The following PTPDC1 variants were observed in gnomAD, a reference collection of about 807,000 sequenced individuals.
PTPDC1 encodes the protein protein tyrosine phosphatase domain containing 1.
A neutral mutation model predicts 75.3 loss-of-function variants in PTPDC1; 53 were observed. The ratio of observed to expected loss-of-function variants is 0.70; its 90% confidence interval spans 0.56 to 0.88. PTPDC1 has a LOEUF of 0.88. Among genes scored for constraint, PTPDC1 ranks in the 40% least tolerant of loss-of-function variants. PTPDC1 has a pLI of 0.00. For missense variants in PTPDC1, 925 were observed against 998.6 expected, an observed-to-expected ratio of 0.93 and a Z score of 0.99; for synonymous variants, 349 against 366.2, an observed-to-expected ratio of 0.95 and a Z score of 0.54.
At chr9:94,049,137 T>A (rs967061209) in intron 1 of PTPDC1, among the ~76,000 whole-genome samples, 42 of 152,182 alleles carry the variant, frequency 2.8e-4, no homozygotes, top group Non-Finnish European at 8.8e-5. Flanking sequence ...CAGCACCCTG[T>A]TGGGTCTTGA....
At chr9:94,084,969 T>C (rs1587885973) in intron 1 of PTPDC1, among the ~76,000 whole-genome samples, 195 bp downstream of exon 1, 1 of 152,252 alleles carries the variant, frequency 6.6e-6, no homozygotes, top group African/African-American at 2.4e-5. Flanking sequence ...TTATTAAAAA[T>C]ATAGGTTTGA....
chr9:94,098,058 C>A lies in PTPDC1; in HGVS notation c.1492C>A (p.His498Asn), dbSNP rs1325795382. Residue 498 changes from histidine to asparagine, a missense_variant, in exon 6 of 9, where the codon CAC (histidine) becomes AAC (asparagine). Transcript: ENST00000620992. Reference protein sequence around the residue: ...YIPQSPEPDLHKEALVRSTLS... With the variant: ...YIPQSPEPDLNKEALVRSTLS... Reference sequence around the variant, plus strand: ...CCCACAGTCTCCAGAACCAGACTTACACAAGGAAGCCTTGGTTCGCAGCAC... The same window carrying A: ...CCCACAGTCTCCAGAACCAGACTTAAACAAGGAAGCCTTGGTTCGCAGCAC... 1.9e-6 allele frequency: 3 copies of A among 1,614,206 alleles called. No individual in the cohort carries two copies. Among genetic ancestry groups the A allele is most frequent in the Non-Finnish European group, 2.5e-6 (3 of 1,180,042 alleles).
chr9:94,095,249 TTC>T, intron 4 of PTPDC1, 66 bp from the exon 5 acceptor site: 1 of 1,046,406 alleles, frequency 9.6e-7, no homozygotes, highest in South Asian at 2.5e-5. Flanking sequence ...CTGTGTACTT[TTC>T]ATTAGTGTTT....
At chr9:94,067,699 T>A (rs1251647439) in intron 2 of PTPDC1, among the ~76,000 whole-genome samples, 1 of 152,128 alleles carries the variant, frequency 6.6e-6, no homozygotes, top group Non-Finnish European at 1.5e-5. Context: ...CCTCCCAAGT[T>A]CAAGCGATTC....
chr9:94,048,202 C>A (rs1825676728), intron 1 of PTPDC1, among the ~76,000 whole-genome samples: 1 of 152,162 alleles, frequency 6.6e-6, no homozygotes, highest in African/African-American at 2.4e-5. Flanking sequence ...GTCTCTATTT[C>A]CTTCAGTTCT....
rs1347275367 is a variant in PTPDC1 at position 94,098,503 on chromosome 9, T to C, written c.1937T>C (p.Leu646Pro). The C allele has an allele frequency of 6.2e-7, 1 of 1,613,962 alleles. No homozygotes were observed. ...SELSAEARRI[L>P]AAKALANLNE... ...TTGAGTGCTGAGGCAAGAAGAATACTGGCGGCCAAAGCCCTAGCAAATTTA... is the reference window on the plus strand; with the variant it reads ...TTGAGTGCTGAGGCAAGAAGAATACCGGCGGCCAAAGCCCTAGCAAATTTA... Residue 646 changes from leucine to proline, a missense_variant, in exon 6 of 9, where the codon CTG becomes CCG. Physicochemically the swap from Leu to Pro is moderately conservative, Grantham distance 98. Coordinates refer to ENST00000620992, the MANE Select transcript of PTPDC1 (RefSeq NM_001253829.2).
At chr9:94,045,342 C>T (rs1345878688) in intron 1 of PTPDC1, among the ~76,000 whole-genome samples, 1 of 152,050 alleles carries the variant, frequency 6.6e-6, no homozygotes, top group Non-Finnish European at 1.5e-5. Flanking sequence ...GATTTATAAT[C>T]CTTTGGATAT....
intron 1 of PTPDC1, 98 bp from the exon 2 acceptor site, chr9:94,085,153 G>C: frequency 3.7e-6 from 4 of 1,082,062 alleles, no homozygotes; most frequent in Non-Finnish European, 4.0e-6. Context: ...GCACTGGCTT[G>C]TCATCTACCA....
intron 2 of PTPDC1, among the ~76,000 whole-genome samples, chr9:94,074,511 C>T (rs1826617270): frequency 6.6e-6 from 1 of 152,094 alleles, no homozygotes; most frequent in Admixed American, 6.5e-5. Flanking sequence ...CCCGGCTGGG[C>T]CCTGTGGTCC....
chr9:94,097,775 C>T lies in PTPDC1; in HGVS notation c.1209C>T (p.Pro403=), dbSNP rs1272306414. The T allele has an allele frequency of 6.2e-7, 1 of 1,614,172 alleles. No individual in the cohort carries two copies. The highest frequency in any genetic ancestry group is 8.5e-7 in the Non-Finnish European group (1 of 1,180,038). Reference sequence around the variant, plus strand: ...GTGATGTGTCCAACCCGCCTAACCCCACTGCAGTGGCAGCAGATTTTGACA... The same window carrying T: ...GTGATGTGTCCAACCCGCCTAACCCTACTGCAGTGGCAGCAGATTTTGACA... ...HDSDVSNPPN[P]TAVAADFDNR... is the part of the protein sequence containing the mutation. Residue 403 remains proline (P), a synonymous_variant, in exon 6 of 9, where the codon CCC becomes CCT. Transcript: ENST00000620992.
Position 94,097,410 on chromosome 9 carries a change from A to G in PTPDC1, c.844A>G (p.Ile282Val), listed in dbSNP as rs143093313. Reference protein sequence around the residue: ...IFVRAKRPNSIQTRGQLLCVR... With the variant: ...IFVRAKRPNSVQTRGQLLCVR... ...TGTGCGGGCAAAGCGACCCAATTCC[A>G]TACAAACCAGAGGACAGCTCCTCTG... Residue 282 changes from isoleucine to valine, a missense_variant, in exon 6 of 9, where the codon ATA becomes GTA. Physicochemically the swap from Ile to Val is conservative, Grantham distance 29 (BLOSUM62 3). Coordinates refer to ENST00000620992, the MANE Select transcript of PTPDC1 (RefSeq NM_001253829.2). 13 of 1,614,048 alleles carry G rather than the reference A, an allele frequency of 8.1e-6. No individual in the cohort carries two copies. The Admixed American group carries it at 1.2e-4, about 14-fold the overall frequency.
At chr9:94,103,027 C>T (rs78954280) in intron 7 of PTPDC1, among the ~76,000 whole-genome samples, 1 of 151,492 alleles carries the variant, frequency 6.6e-6, no homozygotes, top group African/African-American at 2.4e-5. Flanking sequence ...CACACGGACA[C>T]ATGGACGGAT....
At chr9:94,092,571 G>A (rs1322859947) in intron 4 of PTPDC1, among the ~76,000 whole-genome samples, 1 of 151,956 alleles carries the variant, frequency 6.6e-6, no homozygotes, top group African/African-American at 2.4e-5. Context: ...TTGATATGGG[G>A]TGGAGAGTTC....
intron 1 of PTPDC1, among the ~76,000 whole-genome samples, chr9:94,052,082 C>T (rs1229110680): frequency 6.6e-6 from 1 of 152,082 alleles, no homozygotes; most frequent in African/African-American, 2.4e-5. Flanking sequence ...GTAAAATACA[C>T]ATAACAAAAT....
rs190556973 is a variant in PTPDC1 at position 94,072,068 on chromosome 9, C to T, written c.82+7247C>T. Among the ~76,000 whole-genome samples the T allele has an allele frequency of 8.5e-4, 130 of 152,264 alleles. No individual in the cohort carries two copies. The Middle Eastern group carries it at 0.01, about 12-fold the overall frequency. On this transcript the variant is annotated intron_variant, in intron 2 of 9. Transcript: ENST00000375360. ...GTTGCCCAGGATGGGAGTGCAGTGG[C>T]ATGAACTCAGCTCACTGTAACCTCC...
chr9:94,048,965 T>C (rs1461790655), intron 1 of PTPDC1, among the ~76,000 whole-genome samples: 1 of 152,192 alleles, frequency 6.6e-6, no homozygotes, highest in Non-Finnish European at 1.5e-5. Flanking sequence ...TGTAATGGCC[T>C]TCTTTGTTTC....
chr9:94,059,669 C>G (rs1198229777), intron 1 of PTPDC1, among the ~76,000 whole-genome samples: 1 of 152,052 alleles, frequency 6.6e-6, no homozygotes, highest in Non-Finnish European at 1.5e-5. Context: ...TGATTATTAC[C>G]CCCAGCCCCA....
chr9:94,036,052 G>A (rs530505022), intron 1 of PTPDC1, among the ~76,000 whole-genome samples: 1 of 126,708 alleles, frequency 7.9e-6, no homozygotes, highest in South Asian at 2.4e-4. Flanking sequence ...TTTTGCTACT[G>A]AGTTGTATGA....
In PTPDC1 at chr9:94,098,238, G is replaced by A. The variant is rs750225630; in HGVS notation, c.1672G>A (p.Val558Ile). 6.2e-7 allele frequency: 1 copy of A among 1,614,202 alleles called. No individual in the cohort carries two copies. The highest frequency in any genetic ancestry group is 8.5e-7 in the Non-Finnish European group (1 of 1,180,050). The stretch of plus-strand genomic sequence containing the variant: ...AGGCTCACACAGCCCTGGGGAGCCA[G>A]TTTCACCCAGCTTTGCAAATGTCCA... ...VSGSHSPGEP[V>I]SPSFANVHKD... is the part of the protein sequence containing the mutation. The change falls in exon 6 of 9, where the codon GTT becomes ATT. Residue 558 changes from valine (V) to isoleucine (I), a missense_variant. By Grantham distance (29) the Val-to-Ile change is conservative. Coordinates refer to ENST00000620992, the MANE Select transcript of PTPDC1 (RefSeq NM_001253829.2).
Sources: gnomAD v4.1 joint callset for allele counts (sites outside exome capture counted in the v4.1 genomes callset) on GRCh38, gnomAD v4.1.1 for gene constraint, MANE v1.5 for transcripts, NCBI Gene and HGNC (gene_info 2026-07-23, HGNC 2026-07-21) for gene names.